The following CARD14 variants were observed in gnomAD, a reference collection of about 807,000 sequenced individuals.
The protein encoded by CARD14 is caspase recruitment domain-containing protein 14.
In CARD14, 107 loss-of-function variants were observed where a neutral mutation model predicts 111.5. The ratio of observed to expected loss-of-function variants is 0.96; its 90% CI spans 0.82 to 1.13. The LOEUF (loss-of-function observed/expected upper bound fraction) is 1.13. CARD14 is among the 50% of genes most tolerant of loss of function. The pLI, the probability that CARD14 is intolerant of heterozygous loss-of-function variation, is 0.00. For synonymous variants in CARD14, 617 were observed against 579.6 expected, an observed-to-expected ratio of 1.06 and a Z score of -0.93; for missense variants, 1,322 against 1,362.3, an observed-to-expected ratio of 0.97 and a Z score of 0.47.
At chr17:80,174,778 A>G (rs1387006006) in intron 2 of CARD14, among the ~76,000 whole-genome samples, 1 of 152,032 alleles carries the variant, frequency 6.6e-6, no homozygotes, top group Non-Finnish European at 1.5e-5. Flanking sequence ...GAGGACTCCC[A>G]GGGAAGCTGG....
rs545159633 is a variant in CARD14 at position 80,208,118 on chromosome 17, C to A, written c.2808-20C>A. Reference sequence around the variant, plus strand: ...CTTGCTCTCCCCTGAGCCCGCCCCCCCCAACTCTGGCCTGTGCAGGAAGGG... The same window carrying A: ...CTTGCTCTCCCCTGAGCCCGCCCCCACCAACTCTGGCCTGTGCAGGAAGGG... On this transcript the variant is annotated intron_variant, in intron 23 of 23. Coordinates refer to ENST00000648509, the MANE Select transcript of CARD14 (RefSeq NM_001366385.1). The A allele has an allele frequency of 7.7e-5, 115 of 1,502,162 alleles. 1 individual carries two copies. The East Asian group carries it at 1.5e-3, about 20-fold the overall frequency. 93.1% of individuals were successfully genotyped at this position (1,502,162 alleles called of 1,614,324 possible).
chr17:80,199,023 A>T, intron 16 of CARD14: 1 of 659,804 alleles, frequency 1.5e-6, no homozygotes, highest in South Asian at 6.2e-5. Flanking sequence ...ATCACAGCTC[A>T]CTGCAGCCTC....
rs34737700 is a variant in CARD14 at position 80,199,561 on chromosome 17, C to CAAAA, written c.1851+987_1851+990dup. 9.8e-3 allele frequency among the ~76,000 whole-genome samples: 671 copies of CAAAA among 68,538 alleles called. 27 individuals are homozygous for CAAAA. The highest frequency in any genetic ancestry group is 0.013 in the Non-Finnish European group (509 of 38,406). 45.0% of individuals were successfully genotyped at this position (68,538 alleles called of 152,430 possible). A position where few individuals can be genotyped will look rare whatever the true frequency, so the allele number is the denominator to read the frequency against. On this transcript the variant is annotated intron_variant, in intron 16 of 23. Transcript: ENST00000648509. The stretch of plus-strand genomic sequence containing the variant: ...TGGGTGACAGAGCAAAGCCTTGTCT[C>CAAAA]AAAAAAAAAAAAAAAAAAAAGAAAA...
In CARD14 at chr17:80,182,206, G is replaced by C. The variant is rs1031182236; in HGVS notation, c.212-447G>C. ...CTGGGCCCTGGGCGTGGAAGGCCCC[G>C]AGGCTCTCTGGGACCTGTCACCCGC... On this transcript the variant is annotated intron_variant, in intron 5 of 23. Transcript: ENST00000648509. The surrounding 1 kb of genome is among the most constrained non-coding windows in gnomAD (Gnocchi z 4.7). Among the ~76,000 whole-genome samples, 1 of 152,162 alleles carries C rather than the reference G, an allele frequency of 6.6e-6. No homozygotes were observed. Among genetic ancestry groups the C allele is most frequent in the Non-Finnish European group, 1.5e-5 (1 of 68,016 alleles).
Position 80,184,204 on chromosome 17 carries a change from T to C in CARD14, c.641T>C (p.Leu214Pro). 1 of 1,548,886 alleles carries C rather than the reference T, an allele frequency of 6.5e-7. No individual in the cohort carries two copies. Among genetic ancestry groups the C allele is most frequent in the South Asian group, 1.2e-5 (1 of 83,030 alleles). ...HYSNALQEKE[L>P]AASRCRSLQE... ...AGCAATGCGCTGCAGGAGAAGGAGCTGGCCGCCTCACGCTGCCGCAGCCTG... is the reference window on the plus strand; with the variant it reads ...AGCAATGCGCTGCAGGAGAAGGAGCCGGCCGCCTCACGCTGCCGCAGCCTG... The change falls in exon 7 of 24, where the codon CTG becomes CCG. Residue 214 changes from leucine (L) to proline (P), a missense_variant. Leu to Pro is a moderately conservative substitution (Grantham distance 98). Coordinates refer to ENST00000648509, the MANE Select transcript of CARD14 (RefSeq NM_001366385.1).
chr17:80,204,559 G>A, intron 20 of CARD14: 2 of 467,504 alleles, frequency 4.3e-6, no homozygotes, highest in East Asian at 7.1e-5. Flanking sequence ...GGGAGGCAGA[G>A]GTGGCAGTGA....
At chr17:80,191,658 G>T (rs1372281860) in intron 11 of CARD14, among the ~76,000 whole-genome samples, 186 bp downstream of exon 11, 1 of 152,238 alleles carries the variant, frequency 6.6e-6, no homozygotes, top group South Asian at 2.1e-4. Flanking sequence ...TGGCTCCCAC[G>T]CGTGGATGGT....
rs1306353609 is a variant in CARD14, at chr17:80,203,712, G to A, written c.2220-110G>A. 9.9e-6 allele frequency: 7 copies of A among 710,130 alleles called. No homozygotes were observed. Among genetic ancestry groups the A allele is most frequent in the African/African-American group, 5.6e-5 (3 of 53,854 alleles). 44.0% of individuals were successfully genotyped at this position (710,130 alleles called of 1,614,324 possible). A position where few individuals can be genotyped will look rare whatever the true frequency, so the allele number is the denominator to read the frequency against. ...GGGATGTGTGGAGCTCTAGGTGGAG[G>A]CCCTTCTCTCCCACCCGGCCATCTC... On this transcript the variant is annotated intron_variant, in intron 18 of 23. Transcript: ENST00000648509. The surrounding 1 kb of genome is among the most constrained non-coding windows in gnomAD (Gnocchi z 4.6).
At position 80,201,828 on chromosome 17, in the gene CARD14, GTGGACGGCTTCTGCTGCCTGTCTGT is replaced by G. The variant is rs1489997151; in HGVS notation, c.1937_1961del (p.Val646GlyfsTer68). 1 of 1,614,072 alleles carries G rather than the reference GTGGACGGCTTCTGCTGCCTGTCTGT, an allele frequency of 6.2e-7. No individual in the cohort carries two copies. The highest frequency in any genetic ancestry group is 2.2e-5 in the East Asian group (1 of 44,884). On this transcript the variant is annotated frameshift_variant, in exon 17 of 24. Coordinates refer to ENST00000648509, the MANE Select transcript of CARD14 (RefSeq NM_001366385.1). LOFTEE classifies it high-confidence loss of function. The surrounding 1 kb of genome is among the most constrained non-coding windows in gnomAD (Gnocchi z 5.0). ...GGAGGCCGTGGGGCTTCTCAGGAGG[GTGGACGGCTTCTGCTGCCTGTCTGT>G]GAAGGTCAACACGGACGGTACACAT...
At chr17:80,181,042 C>T (rs529303873) in intron 4 of CARD14, among the ~76,000 whole-genome samples, 3 of 149,990 alleles carry the variant, frequency 2.0e-5, no homozygotes, top group South Asian at 4.2e-4. Flanking sequence ...GGATTATAGG[C>T]GTGAGCCAAT....
In CARD14 at chr17:80,178,121, G is replaced by A. The variant is rs186796498; in HGVS notation, c.-366-387G>A. ...CCTCTCCTCCTCACCTGCCCACCCC[G>A]GCCTCTGCGCCCGTCACTGTCCTCT... On this transcript the variant is annotated intron_variant, in intron 2 of 23. Coordinates refer to ENST00000648509, the MANE Select transcript of CARD14 (RefSeq NM_001366385.1). 4.4e-3 allele frequency among the ~76,000 whole-genome samples: 677 copies of A among 152,216 alleles called. 3 individuals carry two copies. Among genetic ancestry groups the A allele is most frequent in the African/African-American group, 0.016 (657 of 41,528 alleles).
chr17:80,202,595 T>C, intron 18 of CARD14, 175 bp downstream of exon 18: 1 of 1,431,706 alleles, frequency 7.0e-7, no homozygotes, highest in Non-Finnish European at 9.1e-7. Context: ...TTGTGATGGA[T>C]GCTTTATATA....
Position 80,198,187 on chromosome 17 carries a change from G to C in CARD14, c.1658+25G>C, listed in dbSNP as rs763209266. 5.6e-6 allele frequency: 9 copies of C among 1,612,876 alleles called. No homozygotes were observed. The Admixed American group carries it at 6.7e-5, about 12-fold the overall frequency. Reference sequence around the variant, plus strand: ...GGTAAGCAGCAGGTGGGAATCCTCCGAGGCTGGCTGGGGAACCAGGGCCAG... The same window carrying C: ...GGTAAGCAGCAGGTGGGAATCCTCCCAGGCTGGCTGGGGAACCAGGGCCAG... On this transcript the variant is annotated intron_variant, in intron 15 of 23. Coordinates refer to ENST00000648509, the MANE Select transcript of CARD14 (RefSeq NM_001366385.1). This position sits in a 1 kb window ranked among gnomAD's most constrained non-coding sequence, Gnocchi z 7.5.
At chr17:80,202,677 A>G in intron 18 of CARD14, 1 of 1,221,792 alleles carries the variant, frequency 8.2e-7, no homozygotes, top group East Asian at 3.1e-5. Context: ...TAGCTTTGGT[A>G]CCATGGACGT....
At chr17:80,187,960 T>C (rs533225689) in intron 7 of CARD14, 18 of 986,620 alleles carry the variant, frequency 1.8e-5, no homozygotes, top group Admixed American at 6.1e-5. Context: ...TCCTCTCTCT[T>C]ACTTCTTACT....
intron 16 of CARD14, among the ~76,000 whole-genome samples, chr17:80,200,151 A>AATG (rs1215169034): frequency 6.6e-6 from 1 of 151,696 alleles, no homozygotes; most frequent in Non-Finnish European, 1.5e-5. Context: ...CTAGGGCTCC[A>AATG]ATGATAGCAC....
intron 12 of CARD14, among the ~76,000 whole-genome samples, chr17:80,193,909 C>T (rs1223588154): frequency 6.6e-6 from 1 of 152,134 alleles, no homozygotes; most frequent in East Asian, 1.9e-4. Flanking sequence ...TTTCCCTTCC[C>T]CAGGGGTGGA....
chr17:80,205,663 G>A lies in CARD14; in HGVS notation c.2691+11G>A, dbSNP rs758935751. The A allele has an allele frequency of 3.9e-6, 6 of 1,544,618 alleles. No individual in the cohort carries two copies. In the African/African-American group the frequency reaches 6.8e-5, roughly 17 times the overall value. On this transcript the variant is annotated intron_variant, in intron 22 of 23. Transcript: ENST00000648509. ...TCCCTCATGGAAAAGGTGAGGTCAA[G>A]GGCGGGGTGGGCAGGGGAGCTGTCC...
chr17:80,172,040 G>A (rs2039914415), intron 1 of CARD14, among the ~76,000 whole-genome samples: 1 of 152,238 alleles, frequency 6.6e-6, no homozygotes, highest in South Asian at 2.1e-4. Flanking sequence ...AACTCCCAGG[G>A]TTTCAGCTGC....
Sources: allele counts gnomAD v4.1 joint callset (sites outside exome capture counted in the v4.1 genomes callset), GRCh38; gene constraint gnomAD v4.1.1; non-coding constraint Gnocchi (gnomAD v3.1); transcripts MANE v1.5; gene names NCBI Gene and HGNC (gene_info 2026-07-23, HGNC 2026-07-21).